The following LRBA variants were observed in gnomAD, a reference collection of about 807,000 sequenced individuals.
The protein encoded by LRBA is LPS responsive beige-like anchor protein, also known as lipopolysaccharide-responsive and beige-like anchor protein.
LRBA carries 176 observed loss-of-function variants against 330.0 expected under a neutral mutation model. That is an observed-to-expected ratio of 0.53 (90% confidence interval 0.47 to 0.60). The LOEUF is 0.60. Among genes scored for constraint, LRBA ranks in the 20% least tolerant of loss-of-function variants. The probability of loss-of-function intolerance (pLI) is 0.00; values close to 1 mark genes in which losing one functional copy is unlikely to be tolerated. For missense variants in LRBA, 3,259 were observed against 3,444.8 expected, an observed-to-expected ratio of 0.95 and a Z score of 1.35; for synonymous variants, 1,230 against 1,193.0, an observed-to-expected ratio of 1.03 and a Z score of -0.64.
chr4:150,630,866 T>C (rs1420854288), intron 37 of LRBA, among the ~76,000 whole-genome samples: 1 of 152,090 alleles, frequency 6.6e-6, no homozygotes, highest in Non-Finnish European at 1.5e-5. Context: ...TTTAGAAATA[T>C]TTCCATCATT....
At chr4:150,390,493 A>G (rs933332288) in intron 47 of LRBA, among the ~76,000 whole-genome samples, 1 of 152,160 alleles carries the variant, frequency 6.6e-6, no homozygotes, top group Admixed American at 6.6e-5. Flanking sequence ...AACTGTGAAT[A>G]AAGTTTTCTC....
intron 13 of LRBA, among the ~76,000 whole-genome samples, chr4:150,904,531 A>T (rs1025232822): frequency 3.9e-5 from 6 of 152,012 alleles, no homozygotes; most frequent in African/African-American, 1.4e-4. Flanking sequence ...CATAAGATGA[A>T]TTTTTTTTAA....
intron 40 of LRBA, among the ~76,000 whole-genome samples, chr4:150,553,102 T>C (rs1361549223): frequency 6.7e-6 from 1 of 149,406 alleles, no homozygotes; most frequent in Non-Finnish European, 1.5e-5. Context: ...AAAAAGAAAA[T>C]GTGGCACATA....
At chr4:150,580,775 T>C (rs1358486079) in intron 40 of LRBA, 1 of 152,104 alleles carries the variant, frequency 6.6e-6, no homozygotes, top group Non-Finnish European at 1.5e-5. Flanking sequence ...CTACAGTGGG[T>C]ACAACTCGTT....
At chr4:150,844,329 CCA>C (rs1473841204) in intron 27 of LRBA, 122 bp from the exon 28 acceptor site, 5 of 561,772 alleles carry the variant, frequency 8.9e-6, no homozygotes, top group Admixed American at 3.5e-5. Context: ...ATTCCTTTCC[CCA>C]CTTTTTTTGT....
intron 38 of LRBA, among the ~76,000 whole-genome samples, chr4:150,597,323 T>C (rs1401728745): frequency 6.6e-6 from 1 of 151,932 alleles, no homozygotes; most frequent in East Asian, 1.9e-4. Flanking sequence ...AATTAAAATT[T>C]ATTCATTAAA....
chr4:150,508,408 G>C (rs539458254), intron 40 of LRBA, among the ~76,000 whole-genome samples: 49 of 151,978 alleles, frequency 3.2e-4, no homozygotes, highest in African/African-American at 1.2e-3. Flanking sequence ...TCAGCCTCCT[G>C]AGTAGCTGGG....
intron 42 of LRBA, among the ~76,000 whole-genome samples, chr4:150,482,602 G>C (rs904567278): frequency 1.3e-5 from 2 of 152,068 alleles, no homozygotes; most frequent in Admixed American, 6.6e-5. Context: ...AATTCTATAT[G>C]AAAGTGCCAA....
At chr4:150,487,201 T>C (rs1404222147) in intron 42 of LRBA, among the ~76,000 whole-genome samples, 1 of 151,448 alleles carries the variant, frequency 6.6e-6, no homozygotes, top group Non-Finnish European at 1.5e-5. Context: ...TACGTGTGTG[T>C]ACCATTATGA....
At chr4:150,698,589 G>A (rs531665123) in intron 36 of LRBA, among the ~76,000 whole-genome samples, 37 of 152,208 alleles carry the variant, frequency 2.4e-4, no homozygotes, top group African/African-American at 8.7e-4. Context: ...GTAATAGTAA[G>A]CATCCGAGTA....
chr4:150,927,534 A>G (rs550870067), intron 4 of LRBA, among the ~76,000 whole-genome samples: 1 of 152,262 alleles, frequency 6.6e-6, no homozygotes, highest in African/African-American at 2.4e-5. Context: ...GAGTTAACAG[A>G]TCCCAGTAAC....
intron 49 of LRBA, among the ~76,000 whole-genome samples, chr4:150,324,961 G>A (rs1479025701): frequency 6.6e-6 from 1 of 151,992 alleles, no homozygotes; most frequent in Non-Finnish European, 1.5e-5. Flanking sequence ...AACTATAAAG[G>A]TAAAATGGCC....
intron 37 of LRBA, among the ~76,000 whole-genome samples, chr4:150,679,040 T>C (rs1397168880): frequency 6.6e-6 from 1 of 152,132 alleles, no homozygotes; most frequent in Non-Finnish European, 1.5e-5. Flanking sequence ...AGATAGGACA[T>C]GATATACTTC....
chr4:150,400,551 C>T (rs779391644), intron 47 of LRBA, among the ~76,000 whole-genome samples: 17 of 152,054 alleles, frequency 1.1e-4, no homozygotes, highest in East Asian at 3.9e-4. Context: ...CATAAAAAGA[C>T]GGTTTCAAAG....
intron 50 of LRBA, among the ~76,000 whole-genome samples, chr4:150,318,383 C>T (rs1429049346): frequency 6.6e-6 from 1 of 151,950 alleles, no homozygotes; most frequent in Non-Finnish European, 1.5e-5. Context: ...CTGAGGGGAA[C>T]CAGCTGTCTA....
chr4:150,279,160 CTAT>C (rs1393809116), intron 55 of LRBA, among the ~76,000 whole-genome samples: 1 of 152,194 alleles, frequency 6.6e-6, no homozygotes, highest in African/African-American at 2.4e-5. Flanking sequence ...ATCGCCACAC[CTAT>C]TATTTGTTTA....
intron 36 of LRBA, among the ~76,000 whole-genome samples, chr4:150,695,011 T>A (rs1784507178): frequency 6.6e-6 from 1 of 152,168 alleles, no homozygotes; most frequent in Admixed American, 6.5e-5. Flanking sequence ...GTGTGCCAAT[T>A]CCACACATAA....
intron 44 of LRBA, among the ~76,000 whole-genome samples, chr4:150,444,449 A>G (rs988913339): frequency 4.5e-4 from 68 of 152,254 alleles, no homozygotes; most frequent in African/African-American, 1.5e-3. Flanking sequence ...ATTTTCTTTC[A>G]ACTGTAGCGC....
At chr4:150,772,194 C>T (rs992374427) in intron 34 of LRBA, among the ~76,000 whole-genome samples, 1 of 152,128 alleles carries the variant, frequency 6.6e-6, no homozygotes, top group African/African-American at 2.4e-5. Flanking sequence ...CACTACAGTC[C>T]ATCAGGGATG....
Sources: gnomAD v4.1 joint callset for allele counts (sites outside exome capture counted in the v4.1 genomes callset) on GRCh38, gnomAD v4.1.1 for gene constraint, MANE v1.5 for transcripts, NCBI Gene and HGNC (gene_info 2026-07-23, HGNC 2026-07-21) for gene names.